Variants in NBEA observed in about 807,000 individuals in gnomAD.
NBEA encodes lysosomal-trafficking regulator 2.
Under a neutral mutation model 343.4 loss-of-function variants are expected in NBEA, and 44 were observed. That is an observed-to-expected ratio of 0.13 (90% CI 0.10 to 0.16). The LOEUF is 0.16. NBEA is among the 10% of genes least tolerant of loss of function. The pLI is 1.00. For synonymous variants in NBEA, 1,175 were observed against 1,238.7 expected, an observed-to-expected ratio of 0.95 and a Z score of 1.08; for missense variants, 2,555 against 3,631.3, an observed-to-expected ratio of 0.70 and a Z score of 7.62.
intron 1 of NBEA, among the ~76,000 whole-genome samples, chr13:34,999,275 A>AG (rs1379603805): frequency 6.6e-6 from 1 of 152,170 alleles, no homozygotes; most frequent in Non-Finnish European, 1.5e-5. Flanking sequence ...ATACAGGTGT[A>AG]CAGTGTGTAG....
At chr13:35,539,186 A>C (rs1566287487) in intron 41 of NBEA, among the ~76,000 whole-genome samples, 1 of 152,194 alleles carries the variant, frequency 6.6e-6, no homozygotes, top group South Asian at 2.1e-4. Flanking sequence ...GGTTAGTGGG[A>C]GACACCAAGA....
chr13:35,559,947 A>AG (rs1566321121), intron 44 of NBEA, among the ~76,000 whole-genome samples: 1 of 151,362 alleles, frequency 6.6e-6, no homozygotes. Flanking sequence ...AAAAAAAAAA[A>AG]AAGAAACATT....
At chr13:35,027,697 A>G (rs1355852710) in intron 1 of NBEA, among the ~76,000 whole-genome samples, 1 of 151,966 alleles carries the variant, frequency 6.6e-6, no homozygotes, top group Non-Finnish European at 1.5e-5. Context: ...AGTCCAATTT[A>G]TTAATGTTAT....
intron 41 of NBEA, among the ~76,000 whole-genome samples, chr13:35,498,846 C>G (rs997379636): frequency 6.6e-6 from 1 of 152,036 alleles, no homozygotes; most frequent in African/African-American, 2.4e-5. Context: ...ACCTTATGCT[C>G]AGTTATGCCT....
rs765403347 is a variant in NBEA at position 35,050,336 on chromosome 13, T to C, written c.913T>C (p.Leu305=). ...TGGCAACTGTTTAATAGTCACATCA[T>C]TGAAGTCCAAAGGAAAAGGTTTTCA... The part of the protein sequence containing the change: ...FVGNCLIVTS[L]KSKGKGFQHC... Residue 305 remains leucine (L), a synonymous_variant, in exon 6 of 59, where the codon TTG becomes CTG. Transcript: ENST00000379939. 1.9e-6 allele frequency: 3 copies of C among 1,609,184 alleles called. No individual in the cohort carries two copies. The highest frequency in any genetic ancestry group is 1.7e-6 in the Non-Finnish European group (2 of 1,178,190).
intron 47 of NBEA, among the ~76,000 whole-genome samples, chr13:35,594,994 T>A (rs940861357): frequency 8.5e-6 from 1 of 118,042 alleles, no homozygotes; most frequent in Non-Finnish European, 1.8e-5. Flanking sequence ...CACACACAAA[T>A]TGGCTTTTCA....
chr13:35,057,137 A>G (rs1038817444), intron 7 of NBEA, among the ~76,000 whole-genome samples: 3 of 152,110 alleles, frequency 2.0e-5, no homozygotes, highest in African/African-American at 7.2e-5. Context: ...AGTACCTCCA[A>G]GCTCAATAAT....
In NBEA at chr13:35,015,741, C is replaced by G. The variant is rs114723448; in HGVS notation, c.295-25192C>G. Among the ~76,000 whole-genome samples, 965 of 151,946 alleles carry G rather than the reference C, an allele frequency of 6.4e-3. 11 individuals carry two copies. Among genetic ancestry groups the G allele is most frequent in the African/African-American group, 0.022 (924 of 41,450 alleles). ...TATATTTAAATTCTGCATTTTAAAACGTCTAGAAACAATAACTTTTTATAT... is the reference window on the plus strand; with the variant it reads ...TATATTTAAATTCTGCATTTTAAAAGGTCTAGAAACAATAACTTTTTATAT... On this transcript the variant is annotated intron_variant, in intron 1 of 58. Transcript: ENST00000379939.
chr13:35,513,602 AT>A, intron 41 of NBEA, among the ~76,000 whole-genome samples: 1 of 151,928 alleles, frequency 6.6e-6, no homozygotes, highest in East Asian at 1.9e-4. Flanking sequence ...TTTTAAATAT[AT>A]TTCTAATTTG....
At chr13:35,571,419 A>G (rs1278750096) in intron 45 of NBEA, among the ~76,000 whole-genome samples, 2 of 152,154 alleles carry the variant, frequency 1.3e-5, no homozygotes, top group Non-Finnish European at 2.9e-5. Flanking sequence ...TCGCTCAAAT[A>G]TTTGTTTCTG....
At chr13:35,131,067 A>G (rs1165110250) in intron 17 of NBEA, among the ~76,000 whole-genome samples, 1 of 152,080 alleles carries the variant, frequency 6.6e-6, no homozygotes, top group Admixed American at 6.6e-5. Context: ...GGTTATGCTT[A>G]CCTCATTAAT....
chr13:34,952,879 G>A (rs542245463), intron 1 of NBEA, among the ~76,000 whole-genome samples: 19 of 151,976 alleles, frequency 1.3e-4, no homozygotes, highest in African/African-American at 4.6e-4. Flanking sequence ...ATTGGGTTTG[G>A]GTTCATATCT....
chr13:35,136,894 T>C (rs1218097694), intron 17 of NBEA, among the ~76,000 whole-genome samples: 1 of 152,190 alleles, frequency 6.6e-6, no homozygotes, highest in Non-Finnish European at 1.5e-5. Flanking sequence ...GTGAATTCAT[T>C]TGAAGTAGAC....
At chr13:35,422,792 C>T (rs1255436873) in intron 38 of NBEA, among the ~76,000 whole-genome samples, 5 of 152,212 alleles carry the variant, frequency 3.3e-5, no homozygotes, top group African/African-American at 1.2e-4. Flanking sequence ...TATTTCTCCA[C>T]ATCCTCTCCA....
intron 34 of NBEA, among the ~76,000 whole-genome samples, chr13:35,234,234 A>G (rs1394487102): frequency 6.6e-6 from 1 of 152,146 alleles, no homozygotes; most frequent in African/African-American, 2.4e-5. Flanking sequence ...TGTCATTATT[A>G]TACTCCCACC....
intron 39 of NBEA, among the ~76,000 whole-genome samples, chr13:35,435,010 C>T (rs1308193730): frequency 6.6e-6 from 1 of 152,072 alleles, no homozygotes; most frequent in East Asian, 1.9e-4. Context: ...ATTATTACAG[C>T]ACATTTGTTT....
At chr13:35,206,462 A>C (rs1224136296) in intron 31 of NBEA, among the ~76,000 whole-genome samples, 3 of 152,148 alleles carry the variant, frequency 2.0e-5, no homozygotes, top group Non-Finnish European at 4.4e-5. Flanking sequence ...CTTCAAATCG[A>C]CAGTTGATGG....
rs1170584559 is a variant in NBEA, at chr13:35,153,036, C to CTT, written c.2446-2720_2446-2719dup. 1.5e-3 allele frequency among the ~76,000 whole-genome samples: 187 copies of CTT among 123,322 alleles called. 3 individuals carry two copies. The highest frequency in any genetic ancestry group is 1.4e-3 in the Non-Finnish European group (83 of 57,442). 80.9% of individuals were successfully genotyped at this position (123,322 alleles called of 152,430 possible). A position where few individuals can be genotyped will look rare whatever the true frequency, so the allele number is the denominator to read the frequency against. ...CTCCCTTTTTAAACTTACATAGGTT[C>CTT]TTTTTTTTTTTTTTTTTTTGAGACA... On this transcript the variant is annotated intron_variant, in intron 18 of 58. Transcript: ENST00000379939.
chr13:35,048,770 T>C, intron 5 of NBEA, 86 bp downstream of exon 5: 1 of 708,852 alleles, frequency 1.4e-6, no homozygotes, highest in Non-Finnish European at 2.3e-6. Context: ...TTAGATAGAA[T>C]ATATGTATAT....
Sources: allele counts gnomAD v4.1 joint callset (sites outside exome capture counted in the v4.1 genomes callset), GRCh38; gene constraint gnomAD v4.1.1; transcripts MANE v1.5; gene names NCBI Gene and HGNC (gene_info 2026-07-23, HGNC 2026-07-21).